TDRKH: variants seen among roughly 807,000 people sequenced by gnomAD.
TDRKH encodes the protein tudor and KH domain-containing protein.
In TDRKH, 28 loss-of-function variants were observed where a neutral mutation model predicts 61.3. The observed-to-expected ratio is 0.46, with a 90% CI of 0.34 to 0.63. The LOEUF (loss-of-function observed/expected upper bound fraction) is 0.63, where lower values mean the gene tolerates loss of function less well. Ranked by LOEUF, TDRKH falls within the 20% of genes least tolerant of loss-of-function variation. The pLI is 0.01. For missense variants in TDRKH, 540 were observed against 683.4 expected, an observed-to-expected ratio of 0.79 and a Z score of 2.34; for synonymous variants, 219 against 244.4, an observed-to-expected ratio of 0.90 and a Z score of 0.97.
intron 10 of TDRKH, 60 bp downstream of exon 10, chr1:151,775,332 G>C: frequency 6.4e-7 from 1 of 1,570,620 alleles, no homozygotes; most frequent in Non-Finnish European, 8.6e-7. Context: ...GGAAGAAAAA[G>C]TAAATTAGGC....
chr1:151,774,450 C>T lies in TDRKH; in HGVS notation c.*2G>A, dbSNP rs1424825046. 3 of 1,614,006 alleles carry T rather than the reference C, an allele frequency of 1.9e-6. No individual in the cohort carries two copies. Among genetic ancestry groups the T allele is most frequent in the African/African-American group, 1.3e-5 (1 of 74,932 alleles). ...ATGGCTGAGCAAACTGAAGCCCAGA[C>T]TTCAGAGTAAGTAGTCATCTTCAAG... On this transcript the variant is annotated 3_prime_UTR_variant, in exon 13 of 13. Transcript: ENST00000368824.
At chr1:151,787,218 T>C (rs543707323) in intron 1 of TDRKH, among the ~76,000 whole-genome samples, 1 of 152,262 alleles carries the variant, frequency 6.6e-6, no homozygotes, top group African/African-American at 2.4e-5. Context: ...CCTGATTACT[T>C]TAGATATATA....
In TDRKH at chr1:151,776,194, G is replaced by C. The variant is rs1367494443; in HGVS notation, c.1119C>G (p.Ala373=). The C allele has an allele frequency of 6.2e-7, 1 of 1,614,056 alleles. No individual in the cohort carries two copies. Among genetic ancestry groups the C allele is most frequent in the Non-Finnish European group, 8.5e-7 (1 of 1,180,042 alleles). ...CATTCTCCAAGGTGCCGAGGACCCG[G>C]GCTCGATACCAGGAACCATTTGTAG... ...PLPTNGSWYR[A]RVLGTLENGN... The change falls in exon 8 of 13, where the codon GCC becomes GCG. Residue 373 remains alanine, a synonymous_variant. Transcript: ENST00000368824.
intron 1 of TDRKH, among the ~76,000 whole-genome samples, chr1:151,786,573 C>T (rs1046438990): frequency 6.6e-6 from 1 of 152,220 alleles, no homozygotes; most frequent in Non-Finnish European, 1.5e-5. Context: ...TAGACTACTA[C>T]ACTGTCATAC....
At chr1:151,780,209 C>CT in intron 3 of TDRKH, 69 bp from the exon 4 acceptor site, 1 of 1,516,970 alleles carries the variant, frequency 6.6e-7, no homozygotes, top group Non-Finnish European at 9.0e-7. Flanking sequence ...TACAGACACT[C>CT]TAAAACAAAC....
intron 2 of TDRKH, chr1:151,781,966 T>C (rs1432407380): frequency 2.2e-6 from 1 of 460,272 alleles, no homozygotes; most frequent in Admixed American, 2.4e-5. Flanking sequence ...AAGTCATTTC[T>C]CTAGGTCCTA....
intron 1 of TDRKH, among the ~76,000 whole-genome samples, chr1:151,785,584 A>C (rs970935253): frequency 3.9e-5 from 6 of 152,130 alleles, no homozygotes; most frequent in Non-Finnish European, 8.8e-5. Flanking sequence ...CAGTCATATA[A>C]CCCTGTAAGG....
intron 3 of TDRKH, 96 bp downstream of exon 3, chr1:151,781,385 G>A: frequency 2.6e-6 from 2 of 778,834 alleles, no homozygotes; most frequent in East Asian, 5.3e-5. Context: ...CACAGAGCAT[G>A]TGAATGTTTT....
At chr1:151,779,370 G>T (rs935981871) in intron 4 of TDRKH, 128 bp from the exon 5 acceptor site, 2 of 1,238,088 alleles carry the variant, frequency 1.6e-6, no homozygotes, top group African/African-American at 1.5e-5. Flanking sequence ...CAAAATACAA[G>T]ATGTTGAATG....
At chr1:151,782,488 T>C (rs1056750756) in intron 2 of TDRKH, among the ~76,000 whole-genome samples, 2 of 150,252 alleles carry the variant, frequency 1.3e-5, no homozygotes, top group Non-Finnish European at 3.0e-5. Flanking sequence ...CAAAGATTCC[T>C]CACAGAAAGT....
At chr1:151,784,667 C>T (rs527510845) in intron 1 of TDRKH, among the ~76,000 whole-genome samples, 6 of 152,282 alleles carry the variant, frequency 3.9e-5, no homozygotes, top group Non-Finnish European at 7.4e-5. Flanking sequence ...TTTCTAACCT[C>T]TAAACACTGG....
chr1:151,777,242 C>T (rs569410573), intron 6 of TDRKH, among the ~76,000 whole-genome samples: 1 of 152,102 alleles, frequency 6.6e-6, no homozygotes, highest in Admixed American at 6.5e-5. Context: ...GCCAGGAGTT[C>T]GAGTCCAGCC....
intron 1 of TDRKH, among the ~76,000 whole-genome samples, chr1:151,788,346 AAC>A (rs1477906009): frequency 6.6e-6 from 1 of 152,218 alleles, no homozygotes; most frequent in African/African-American, 2.4e-5. Context: ...CTCGGGACAC[AAC>A]AGTCAAGATA....
chr1:151,770,335 TC>T, downstream of TDRKH: 1 of 1,517,316 alleles, frequency 6.6e-7, no homozygotes, highest in South Asian at 1.3e-5. Context: ...GAGACCCTCT[TC>T]CCCTGTCTTT....
Position 151,776,538 on chromosome 1 carries a change from A to C in TDRKH, c.945T>G (p.Ser315=). Residue 315 remains serine, a synonymous_variant, in exon 7 of 13, where the codon TCT becomes TCG. Coordinates refer to ENST00000368824, the MANE Select transcript of TDRKH (RefSeq NM_001083965.2). The part of the protein sequence containing the change: ...DEYLEVYVSA[S]EHPNHFWIQI... ...GGATCCAGAAGTGGTTAGGGTGCTCAGAAGCAGAAACGTAGACTTCTAGGT... is the reference window on the plus strand; with the variant it reads ...GGATCCAGAAGTGGTTAGGGTGCTCCGAAGCAGAAACGTAGACTTCTAGGT... 1 of 1,614,210 alleles carries C rather than the reference A, an allele frequency of 6.2e-7. No individual in the cohort carries two copies. The highest frequency in any genetic ancestry group is 8.5e-7 in the Non-Finnish European group (1 of 1,180,032).
intron 2 of TDRKH, among the ~76,000 whole-genome samples, chr1:151,782,446 C>T (rs1270048325): frequency 1.6e-5 from 2 of 128,692 alleles, no homozygotes; most frequent in African/African-American, 5.5e-5. Flanking sequence ...GACTCTGTCT[C>T]AAAGAAAAAA....
chr1:151,774,861 G>A, intron 11 of TDRKH, 55 bp from the exon 12 acceptor site: 5 of 1,583,928 alleles, frequency 3.2e-6, no homozygotes, highest in Non-Finnish European at 4.3e-6. Flanking sequence ...TAGGAAAAAA[G>A]AGGCCACCCT....
At chr1:151,767,967 C>T (rs550867741), downstream of TDRKH, 20 of 1,510,586 alleles carry the variant, frequency 1.3e-5, no homozygotes, top group African/African-American at 2.5e-4. Context: ...CAGGCTCTCC[C>T]CATCAATGCC....
downstream of TDRKH, chr1:151,771,382 G>T: frequency 7.2e-7 from 1 of 1,388,856 alleles, no homozygotes; most frequent in Admixed American, 3.3e-5. Context: ...GACTGGAGTG[G>T]GATATACACC....
Sources: gnomAD v4.1 joint callset for allele counts (sites outside exome capture counted in the v4.1 genomes callset) on GRCh38, gnomAD v4.1.1 for gene constraint, MANE v1.5 for transcripts, NCBI Gene and HGNC (gene_info 2026-07-23, HGNC 2026-07-21) for gene names.